SYCP1: variants seen among roughly 807,000 people sequenced by gnomAD.
SYCP1 encodes the protein synaptonemal complex protein 1, also known as cancer/testis antigen 8.
SYCP1 carries 64 observed loss-of-function variants against 153.1 expected under a neutral mutation model. The ratio of observed to expected loss-of-function variants is 0.42; its 90% confidence interval spans 0.34 to 0.51. SYCP1 has a LOEUF of 0.51. Ranked by LOEUF, SYCP1 falls within the 20% of genes least tolerant of loss-of-function variation. The pLI is 0.06. For synonymous variants in SYCP1, 384 were observed against 341.8 expected (o/e 1.12, Z -1.36); for missense variants, 997 against 1,049.0 (o/e 0.95, Z 0.68).
intron 21 of SYCP1, among the ~76,000 whole-genome samples, chr1:114,924,299 G>A (rs534178203): frequency 6.6e-6 from 1 of 152,258 alleles, no homozygotes; most frequent in Admixed American, 6.5e-5. Context: ...TTATTCCTGA[G>A]TCAATCACTG....
At chr1:114,983,254 C>T (rs1054024204) in intron 29 of SYCP1, among the ~76,000 whole-genome samples, 3 of 152,092 alleles carry the variant, frequency 2.0e-5, no homozygotes, top group Non-Finnish European at 2.9e-5. Context: ...AGGAATATAT[C>T]AAGGCTTTTC....
intron 27 of SYCP1, among the ~76,000 whole-genome samples, chr1:114,954,649 C>T (rs931856640): frequency 1.3e-5 from 2 of 151,606 alleles, no homozygotes; most frequent in African/African-American, 2.4e-5. Context: ...GGCGTGATCT[C>T]GGCTCACTGC....
chr1:114,934,586 A>C (rs934734916), intron 23 of SYCP1, among the ~76,000 whole-genome samples: 20 of 152,236 alleles, frequency 1.3e-4, no homozygotes, highest in African/African-American at 4.8e-4. Context: ...AAATGGGCTA[A>C]ATACTCCAAT....
intron 29 of SYCP1, among the ~76,000 whole-genome samples, chr1:114,981,825 G>A (rs1673176797): frequency 6.6e-6 from 1 of 151,920 alleles, no homozygotes; most frequent in South Asian, 2.1e-4. Flanking sequence ...ACAACTTAAT[G>A]TCATCTTGGG....
intron 28 of SYCP1, 101 bp from the exon 29 acceptor site, chr1:114,981,235 T>C: frequency 1.1e-6 from 1 of 910,262 alleles, no homozygotes; most frequent in Non-Finnish European, 1.6e-6. Context: ...AATTTGCTTA[T>C]TTTGTTGTGA....
rs886232560 is a variant in SYCP1, at chr1:114,874,426, T to C, written c.599-80T>C. The C allele has an allele frequency of 3.6e-5, 29 of 815,808 alleles. No individual in the cohort carries two copies. In the South Asian group the frequency reaches 4.2e-4, roughly 12 times the overall value. The allele number at this position is 815,808 out of a possible 1,614,324, so 50.5% of individuals were successfully genotyped here. On this transcript the variant is annotated intron_variant, in intron 8 of 31. Coordinates refer to ENST00000369522, the MANE Select transcript of SYCP1 (RefSeq NM_003176.4). ...ACACAGAATTTTAAATATTTTAATGTTTTCTGGAGGCATTTTGAGTATTGT... is the reference window on the plus strand; with the variant it reads ...ACACAGAATTTTAAATATTTTAATGCTTTCTGGAGGCATTTTGAGTATTGT...
rs1299571114 is a variant in SYCP1, at chr1:114,984,798, G to T, written c.2633G>T (p.Ser878Ile). The T allele has an allele frequency of 1.5e-5, 22 of 1,507,316 alleles. No individual in the cohort carries two copies. The highest frequency in any genetic ancestry group is 2.0e-5 in the Non-Finnish European group (22 of 1,127,706). 93.4% of individuals were successfully genotyped at this position (1,507,316 alleles called of 1,614,324 possible). A position where few individuals can be genotyped will look rare whatever the true frequency, so the allele number is the denominator to read the frequency against. Residue 878 changes from serine to isoleucine, a missense_variant, in exon 30 of 32, where the codon AGT becomes ATT. Transcript: ENST00000369522. Reference protein sequence around the residue: ...RENLNIPIEESKKKRKMAFEF... With the variant: ...RENLNIPIEEIKKKRKMAFEF... ...AACTTGAATATACCCATTGAAGAAA[G>T]TAAAAAAAAGAGAAAAATGGCCTTT...
At chr1:114,959,694 C>T (rs888062909) in intron 27 of SYCP1, among the ~76,000 whole-genome samples, 5 of 151,834 alleles carry the variant, frequency 3.3e-5, no homozygotes, top group African/African-American at 1.2e-4. Context: ...TTTTTATATC[C>T]ATTAACCATT....
rs539103809 is a variant in SYCP1, at chr1:114,854,909, T to A, written c.-134T>A. The A allele has an allele frequency of 2.0e-5, 3 of 152,248 alleles. No individual in the cohort carries two copies. The highest frequency in any genetic ancestry group is 2.0e-4 in the Admixed American group (3 of 15,302). The allele number at this position is 152,248 out of a possible 1,614,324, so 9.4% of individuals were successfully genotyped here. A position where few individuals can be genotyped will look rare whatever the true frequency, so the allele number is the denominator to read the frequency against. The stretch of plus-strand genomic sequence containing the variant: ...GCTCAGGCTGAGCGATTTCCCGCCT[T>A]TTCTGAGGTTCTGAGGCGGGAGCCA... On this transcript the variant is annotated 5_prime_UTR_variant, in exon 1 of 32. Transcript: ENST00000369522.
chr1:114,944,772 T>G, intron 24 of SYCP1, 100 bp from the exon 25 acceptor site: 1 of 876,310 alleles, frequency 1.1e-6, no homozygotes, highest in Non-Finnish European at 1.7e-6. Flanking sequence ...TTCCTGGTGT[T>G]TGAGGTTTGC....
intron 4 of SYCP1, 56 bp from the exon 5 acceptor site, chr1:114,857,388 A>G: frequency 6.5e-7 from 1 of 1,533,248 alleles, no homozygotes; most frequent in East Asian, 2.3e-5. Flanking sequence ...TTTAATTGTT[A>G]TTATTTAGAA....
intron 30 of SYCP1, among the ~76,000 whole-genome samples, chr1:114,993,172 C>T (rs540032773): frequency 6.6e-6 from 1 of 151,622 alleles, no homozygotes; most frequent in African/African-American, 2.4e-5. Context: ...ATAGTTTAAA[C>T]CACATGATTT....
chr1:114,871,658 C>T (rs1442993419), intron 8 of SYCP1, among the ~76,000 whole-genome samples: 4 of 152,134 alleles, frequency 2.6e-5, no homozygotes, highest in African/African-American at 7.2e-5. Flanking sequence ...CTGCAACCTC[C>T]GCCTCCTGGG....
intron 23 of SYCP1, among the ~76,000 whole-genome samples, chr1:114,930,938 G>A (rs360596): frequency 0.39 from 58,413 of 151,520 alleles, 12,485 homozygotes; most frequent in East Asian, 0.5. Context: ...AATTTATCAG[G>A]AATGGGATTT....
At chr1:114,949,024 T>G (rs1670924869) in intron 27 of SYCP1, among the ~76,000 whole-genome samples, 1 of 152,182 alleles carries the variant, frequency 6.6e-6, no homozygotes, top group Admixed American at 6.5e-5. Flanking sequence ...GAAGGTTTAA[T>G]AGGCTTGTGG....
chr1:114,951,333 GAA>G, intron 27 of SYCP1, among the ~76,000 whole-genome samples: 1 of 151,890 alleles, frequency 6.6e-6, no homozygotes, highest in South Asian at 2.1e-4. Flanking sequence ...GAAAGATAAA[GAA>G]AGAATACCTT....
intron 20 of SYCP1, among the ~76,000 whole-genome samples, chr1:114,922,441 A>G (rs1668955926): frequency 6.6e-6 from 1 of 152,136 alleles, no homozygotes. Flanking sequence ...AGCTTCTTGG[A>G]AGGCCTTAGG....
chr1:114,992,961 G>T (rs1162235395), intron 30 of SYCP1, among the ~76,000 whole-genome samples: 1 of 151,200 alleles, frequency 6.6e-6, no homozygotes, highest in African/African-American at 2.4e-5. Context: ...TTGAAAAGTG[G>T]GGAGAAAAGA....
chr1:114,945,782 A>C (rs981987458), intron 25 of SYCP1, among the ~76,000 whole-genome samples: 3 of 112,288 alleles, frequency 2.7e-5, no homozygotes, highest in African/African-American at 8.1e-5. Flanking sequence ...TTTTTGATGT[A>C]ATAATTTTTT....
Sources: allele counts gnomAD v4.1 joint callset (sites outside exome capture counted in the v4.1 genomes callset), GRCh38; gene constraint gnomAD v4.1.1; transcripts MANE v1.5; gene names NCBI Gene and HGNC (gene_info 2026-07-23, HGNC 2026-07-21).